KATNAL1: variants seen among roughly 807,000 people sequenced by gnomAD.
KATNAL1 encodes the protein katanin p60 ATPase-containing subunit A-like 1.
KATNAL1 carries 32 observed loss-of-function variants against 55.2 expected under a neutral mutation model. The observed-to-expected ratio is 0.58, with a 90% CI of 0.44 to 0.78. The LOEUF (loss-of-function observed/expected upper bound fraction) is 0.78, where lower values mean the gene tolerates loss of function less well. KATNAL1 is among the 30% of genes least tolerant of loss of function. KATNAL1 has a pLI of 0.00. For missense variants in KATNAL1, 466 were observed against 600.9 expected (o/e 0.78, Z 2.35); for synonymous variants, 193 against 193.6 (o/e 1.00, Z 0.02).
chr13:30,267,630 A>G (rs1418667355), intron 3 of KATNAL1, among the ~76,000 whole-genome samples: 1 of 152,262 alleles, frequency 6.6e-6, no homozygotes, highest in Non-Finnish European at 1.5e-5. Flanking sequence ...AACTACAAAA[A>G]TAATATGCAG....
intron 6 of KATNAL1, among the ~76,000 whole-genome samples, chr13:30,238,576 G>T (rs916549374): frequency 3.9e-5 from 6 of 152,232 alleles, no homozygotes; most frequent in South Asian, 4.1e-4. Flanking sequence ...CCAACATAGC[G>T]AAATCCTCAC....
At chr13:30,284,812 T>C (rs929880225) in intron 1 of KATNAL1, among the ~76,000 whole-genome samples, 17 of 152,240 alleles carry the variant, frequency 1.1e-4, no homozygotes, top group African/African-American at 3.9e-4. Context: ...ATTCTGGCTT[T>C]TCTTCCAGGC....
At chr13:30,293,403 ACCC>A (rs1882270516) in intron 1 of KATNAL1, among the ~76,000 whole-genome samples, 1 of 152,050 alleles carries the variant, frequency 6.6e-6, no homozygotes, top group South Asian at 2.1e-4. Flanking sequence ...CCCCGGCAAC[ACCC>A]CTTCAAAATA....
At chr13:30,283,501 G>A in intron 2 of KATNAL1, 115 bp downstream of exon 2, 1 of 789,686 alleles carries the variant, frequency 1.3e-6, no homozygotes, top group Non-Finnish European at 1.9e-6. Context: ...TCAGTATTGA[G>A]ATAAATAGGC....
At chr13:30,270,853 T>C (rs1272780396) in intron 3 of KATNAL1, among the ~76,000 whole-genome samples, 3 of 150,760 alleles carry the variant, frequency 2.0e-5, no homozygotes, top group Admixed American at 6.6e-5. Context: ...CCCTCCACTA[T>C]TGTCCTATGA....
chr13:30,260,653 G>A (rs1261977108), intron 3 of KATNAL1, among the ~76,000 whole-genome samples: 8 of 152,214 alleles, frequency 5.3e-5, no homozygotes, highest in Non-Finnish European at 1.0e-4. Context: ...AATGAAGCGA[G>A]AAGGGAAATT....
intron 1 of KATNAL1, among the ~76,000 whole-genome samples, chr13:30,302,796 T>C (rs1882942419): frequency 6.6e-6 from 1 of 152,258 alleles, no homozygotes; most frequent in Non-Finnish European, 1.5e-5. Context: ...ATGTATCATG[T>C]ATCATTTGGT....
chr13:30,237,576 C>T (rs1012279060), intron 6 of KATNAL1, among the ~76,000 whole-genome samples: 5 of 152,128 alleles, frequency 3.3e-5, no homozygotes, highest in Admixed American at 3.3e-4. Flanking sequence ...AGAAGGACCT[C>T]AATATTATTC....
intron 3 of KATNAL1, among the ~76,000 whole-genome samples, chr13:30,262,638 C>T (rs1879404536): frequency 6.6e-6 from 1 of 151,644 alleles, no homozygotes; most frequent in Non-Finnish European, 1.5e-5. Flanking sequence ...ATAAATTCCT[C>T]GACACATACA....
intron 3 of KATNAL1, among the ~76,000 whole-genome samples, chr13:30,275,719 T>C (rs1302400043): frequency 6.6e-6 from 1 of 151,526 alleles, no homozygotes; most frequent in African/African-American, 2.4e-5. Flanking sequence ...CACCACAAAA[T>C]GAAAAACAAA....
chr13:30,272,156 T>G (rs1880427658), intron 3 of KATNAL1, among the ~76,000 whole-genome samples: 1 of 152,014 alleles, frequency 6.6e-6, no homozygotes, highest in South Asian at 2.1e-4. Context: ...TCCCAGCACT[T>G]TGGGAGGCCG....
intron 3 of KATNAL1, among the ~76,000 whole-genome samples, chr13:30,271,342 G>A (rs1880338585): frequency 6.6e-6 from 1 of 152,294 alleles, no homozygotes; most frequent in African/African-American, 2.4e-5. Flanking sequence ...ACCTGAGACT[G>A]GGTAATTTAC....
intron 2 of KATNAL1, chr13:30,281,912 A>G (rs1423695907): frequency 1.3e-5 from 2 of 152,204 alleles, no homozygotes; most frequent in South Asian, 2.1e-4. Context: ...TTGTTTTAGT[A>G]TAACAGGTGA....
intron 9 of KATNAL1, 22 bp downstream of exon 9, chr13:30,227,390 C>A: frequency 1.3e-6 from 2 of 1,595,196 alleles, no homozygotes; most frequent in Non-Finnish European, 1.7e-6. Context: ...ACAGAAAGCT[C>A]AAAATAGAGA....
intron 9 of KATNAL1, among the ~76,000 whole-genome samples, chr13:30,211,994 G>T (rs536600023): frequency 1.3e-5 from 2 of 152,274 alleles, no homozygotes; most frequent in Non-Finnish European, 2.9e-5. Flanking sequence ...AATTAATGAT[G>T]TAAGAACAGC....
rs1030771155 is a variant in KATNAL1, at chr13:30,205,565, T to G, written c.*2975A>C. The G allele has an allele frequency of 6.6e-6, 1 of 152,248 alleles. No homozygotes were observed. Among genetic ancestry groups the G allele is most frequent in the African/African-American group, 2.4e-5 (1 of 41,460 alleles). The allele number at this position is 152,248 out of a possible 1,614,324, so 9.4% of individuals were successfully genotyped here. Reference sequence around the variant, plus strand: ...CAAAACGAAGCAAAACAATTCAATCTCATTCTGGGTAAGGCAACACACTGT... The same window carrying G: ...CAAAACGAAGCAAAACAATTCAATCGCATTCTGGGTAAGGCAACACACTGT... On this transcript the variant is annotated 3_prime_UTR_variant, in exon 11 of 11. Coordinates refer to ENST00000380615, the MANE Select transcript of KATNAL1 (RefSeq NM_032116.5).
chr13:30,215,779 G>T (rs1874158691), intron 9 of KATNAL1, among the ~76,000 whole-genome samples: 1 of 151,892 alleles, frequency 6.6e-6, no homozygotes, highest in Non-Finnish European at 1.5e-5. Flanking sequence ...CTGTTGTGGG[G>T]TGGGGGGAGT....
At chr13:30,282,104 G>A (rs1212506849) in intron 2 of KATNAL1, among the ~76,000 whole-genome samples, 2 of 151,982 alleles carry the variant, frequency 1.3e-5, no homozygotes, top group Non-Finnish European at 2.9e-5. Context: ...CAAGAACTAT[G>A]CTAAAAGGTA....
chr13:30,296,481 T>G (rs2137563780), intron 1 of KATNAL1: 1 of 688,662 alleles, frequency 1.5e-6, no homozygotes, highest in Non-Finnish European at 2.7e-6. Context: ...ATCTGAGGAT[T>G]ACGGTGAGCT....
Sources: allele counts gnomAD v4.1 joint callset (sites outside exome capture counted in the v4.1 genomes callset), GRCh38; gene constraint gnomAD v4.1.1; transcripts MANE v1.5; gene names NCBI Gene and HGNC (gene_info 2026-07-23, HGNC 2026-07-21).